Variants in FBXO11 observed in about 807,000 individuals in gnomAD.
The protein encoded by FBXO11 is F-box only protein 11.
Under a neutral mutation model 117.0 loss-of-function variants are expected in FBXO11, and 13 were observed. The observed-to-expected ratio is 0.11, with a 90% CI of 0.07 to 0.18. FBXO11 has a LOEUF of 0.18. FBXO11 is among the 10% of genes least tolerant of loss of function. FBXO11 has a pLI of 1.00. For synonymous variants in FBXO11, 490 were observed against 380.5 expected (o/e 1.29, Z -3.35); for missense variants, 767 against 1,164.4 (o/e 0.66, Z 4.97).
chr2:47,814,649 G>T (rs1670885167), intron 16 of FBXO11, among the ~76,000 whole-genome samples: 1 of 152,100 alleles, frequency 6.6e-6, no homozygotes, highest in Non-Finnish European at 1.5e-5. Context: ...AAAGTGCTGG[G>T]ATTACAGGCA....
At chr2:47,861,942 T>C (rs931488045) in intron 1 of FBXO11, among the ~76,000 whole-genome samples, 1 of 151,842 alleles carries the variant, frequency 6.6e-6, no homozygotes, top group South Asian at 2.1e-4. Flanking sequence ...AATCTTGCTC[T>C]GTTTCTGTTG....
chr2:47,863,621 G>C (rs1185654017), intron 1 of FBXO11, among the ~76,000 whole-genome samples: 1 of 152,104 alleles, frequency 6.6e-6, no homozygotes, highest in Non-Finnish European at 1.5e-5. Context: ...AGTTTTTCAA[G>C]GAATTGGTTA....
chr2:47,852,114 C>T (rs1222237185), intron 1 of FBXO11, among the ~76,000 whole-genome samples: 6 of 151,856 alleles, frequency 4.0e-5, no homozygotes, highest in Admixed American at 2.6e-4. Flanking sequence ...CTCAGCCTCC[C>T]GAATAGCTGG....
At chr2:47,832,082 T>C (rs967648609) in intron 11 of FBXO11, among the ~76,000 whole-genome samples, 1 of 152,186 alleles carries the variant, frequency 6.6e-6, no homozygotes. Flanking sequence ...GAACACACAT[T>C]TGAGACTTAA....
chr2:47,857,802 G>A (rs564212723), intron 1 of FBXO11, among the ~76,000 whole-genome samples: 1 of 152,162 alleles, frequency 6.6e-6, no homozygotes, highest in Non-Finnish European at 1.5e-5. Context: ...CAGGACTACA[G>A]AAATATTTTT....
At chr2:47,850,850 T>C (rs1301288120) in intron 1 of FBXO11, among the ~76,000 whole-genome samples, 1 of 152,180 alleles carries the variant, frequency 6.6e-6, no homozygotes, top group Non-Finnish European at 1.5e-5. Flanking sequence ...TGTAAAATAG[T>C]CTCTCCCCAG....
At chr2:47,821,020 C>T (rs529681232) in intron 13 of FBXO11, among the ~76,000 whole-genome samples, 77 of 152,292 alleles carry the variant, frequency 5.1e-4, no homozygotes, top group East Asian at 2.5e-3. Flanking sequence ...CTCTAATTAG[C>T]ACAAAGTATA....
chr2:47,873,534 C>A (rs963108665), intron 1 of FBXO11, among the ~76,000 whole-genome samples: 1 of 151,708 alleles, frequency 6.6e-6, no homozygotes, highest in Non-Finnish European at 1.5e-5. Flanking sequence ...CTTCCCAGTG[C>A]TCCTGGGTTT....
chr2:47,831,637 C>G (rs1672201328), intron 11 of FBXO11, among the ~76,000 whole-genome samples: 1 of 151,542 alleles, frequency 6.6e-6, no homozygotes, highest in Non-Finnish European at 1.5e-5. Flanking sequence ...AAAATTACCT[C>G]AAGGAAAATT....
Position 47,837,307 on chromosome 2 carries a change from A to AGG in FBXO11, c.588-1307_588-1306insCC, listed in dbSNP as rs1672659207. ...TTTGGGAGGCCCAGGCAGGAGGATC[A>AGG]CCTGAGGTCAGGAGTTCAAGACCAG... is the stretch of plus-strand genomic sequence containing the variant. On this transcript the variant is annotated intron_variant, in intron 4 of 22. Transcript: ENST00000403359. 3.3e-5 allele frequency among the ~76,000 whole-genome samples: 5 copies of AGG among 152,280 alleles called. No homozygotes were observed. In the South Asian group the frequency reaches 1.0e-3, roughly 32 times the overall value.
At chr2:47,894,128 G>A (rs946969818) in intron 1 of FBXO11, among the ~76,000 whole-genome samples, 1 of 152,134 alleles carries the variant, frequency 6.6e-6, no homozygotes, top group South Asian at 2.1e-4. Flanking sequence ...AAGTTTATGT[G>A]CCACTAGCAC....
At chr2:47,903,648 A>G (rs1467564406) in intron 1 of FBXO11, among the ~76,000 whole-genome samples, 1 of 152,222 alleles carries the variant, frequency 6.6e-6, no homozygotes, top group African/African-American at 2.4e-5. Flanking sequence ...CAAGGAGACT[A>G]AATTGTTTGA....
Position 47,854,093 on chromosome 2 carries a change from A to G in FBXO11, c.233-14324T>C, listed in dbSNP as rs556221542. ...CTGCCAGTTTCAAAGTATGTATCAC[A>G]TTAATTCTTTCCGAACTATAAAAGT... On this transcript the variant is annotated intron_variant, in intron 1 of 22. Coordinates refer to ENST00000403359, the MANE Select transcript of FBXO11 (RefSeq NM_001190274.2). 3.6e-4 allele frequency among the ~76,000 whole-genome samples: 55 copies of G among 152,350 alleles called. 1 individual carries two copies. The South Asian group carries it at 0.011, about 32-fold the overall frequency.
At chr2:47,811,522 T>TGC (rs1335110516) in intron 18 of FBXO11, 19 of 152,274 alleles carry the variant, frequency 1.2e-4, no homozygotes, top group Admixed American at 1.2e-3. Context: ...CGGCCACTGT[T>TGC]GCTAATTCTT....
intron 1 of FBXO11, among the ~76,000 whole-genome samples, chr2:47,841,639 T>G (rs1367614659): frequency 1.3e-5 from 2 of 151,828 alleles, no homozygotes; most frequent in African/African-American, 4.8e-5. Flanking sequence ...GGTATTCAAA[T>G]TATTATTATT....
intron 4 of FBXO11, among the ~76,000 whole-genome samples, chr2:47,838,399 C>T (rs767402724): frequency 9.4e-5 from 14 of 148,460 alleles, no homozygotes; most frequent in Non-Finnish European, 7.4e-5. Context: ...AAAATCTGTA[C>T]ATAAAGCAAA....
At chr2:47,810,808 AGCCCTTATTTCTG>A (rs1310339246) in intron 18 of FBXO11, 2 of 158,048 alleles carry the variant, frequency 1.3e-5, no homozygotes, top group African/African-American at 4.8e-5. Context: ...CAGGCAAGCA[AGCCCTTATTTCTG>A]GCCCTTATTA....
intron 13 of FBXO11, among the ~76,000 whole-genome samples, chr2:47,821,344 C>G (rs1243911601): frequency 6.6e-6 from 1 of 152,122 alleles, no homozygotes; most frequent in Non-Finnish European, 1.5e-5. Flanking sequence ...GGCGCGGTGG[C>G]TCACACCTGT....
rs140665675 is a variant in FBXO11 at position 47,846,401 on chromosome 2, C to T, written c.233-6632G>A. Among the ~76,000 whole-genome samples, 840 of 152,214 alleles carry T rather than the reference C, an allele frequency of 5.5e-3. 1 individual carries two copies. The highest frequency in any genetic ancestry group is 0.01 in the Middle Eastern group (3 of 294). The stretch of plus-strand genomic sequence containing the variant: ...AGAATTGCTTGAACCTGGAAGAAGG[C>T]GGCTGCGATGAGCGGAGATCATGCC... On this transcript the variant is annotated intron_variant, in intron 1 of 22. Coordinates refer to ENST00000403359, the MANE Select transcript of FBXO11 (RefSeq NM_001190274.2).
Sources: gnomAD v4.1 joint callset for allele counts (sites outside exome capture counted in the v4.1 genomes callset) on GRCh38, gnomAD v4.1.1 for gene constraint, MANE v1.5 for transcripts, NCBI Gene and HGNC (gene_info 2026-07-23, HGNC 2026-07-21) for gene names.